Variants in MALRD1 observed in about 807,000 individuals in gnomAD.
MALRD1 encodes the protein MAM and LDL-receptor class A domain-containing protein 1.
A neutral mutation model predicts 242.1 loss-of-function variants in MALRD1; 247 were observed. The observed-to-expected ratio is 1.02, with a 90% CI of 0.92 to 1.13. The LOEUF (loss-of-function observed/expected upper bound fraction) is 1.13, where lower values mean the gene tolerates loss of function less well. Among genes scored for constraint, MALRD1 ranks in the 50% most tolerant of loss-of-function variants. The pLI, the probability that MALRD1 is intolerant of heterozygous loss-of-function variation, is 0.00. For synonymous variants in MALRD1, 995 were observed against 866.6 expected (o/e 1.15, Z -2.60); for missense variants, 2,989 against 2,533.1 (o/e 1.18, Z -3.86).
rs534607970 is a variant in MALRD1 at position 19,371,469 on chromosome 10, GT to G, written c.4442-16052del. Among the ~76,000 whole-genome samples the G allele has an allele frequency of 7.0e-3, 672 of 95,976 alleles. 3 individuals carry two copies. Among genetic ancestry groups the G allele is most frequent in the African/African-American group, 0.028 (639 of 22,694 alleles). 63.0% of individuals were successfully genotyped at this position (95,976 alleles called of 152,430 possible). ...CTTTTGAATCTATACAGAAAATTAT[GT>G]TTTTTTGTTTTGTTTTGTTTTGTTT... On this transcript the variant is annotated intron_variant, in intron 26 of 39. Transcript: ENST00000454679.
intron 33 of MALRD1, among the ~76,000 whole-genome samples, chr10:19,589,412 A>G (rs545506689): frequency 6.6e-6 from 1 of 152,324 alleles, no homozygotes; most frequent in East Asian, 1.9e-4. Context: ...GCCTTGAATC[A>G]TCTCCAATAT....
intron 26 of MALRD1, among the ~76,000 whole-genome samples, chr10:19,364,102 T>C (rs1005729283): frequency 6.6e-6 from 1 of 152,038 alleles, no homozygotes; most frequent in Non-Finnish European, 1.5e-5. Context: ...AAACCAGTTT[T>C]TACATTAGAG....
intron 18 of MALRD1, among the ~76,000 whole-genome samples, chr10:19,225,996 A>T (rs998985882): frequency 6.6e-6 from 1 of 152,182 alleles, no homozygotes; most frequent in East Asian, 1.9e-4. Context: ...TACTGATGAC[A>T]GAAGTAGATG....
chr10:19,476,125 G>C (rs1836717894), intron 29 of MALRD1, among the ~76,000 whole-genome samples: 1 of 152,114 alleles, frequency 6.6e-6, no homozygotes, highest in Admixed American at 6.6e-5. Context: ...TCGGAAAAGT[G>C]AAGAAACAAT....
At position 19,175,254 on chromosome 10, in the gene MALRD1, T is replaced by A; in HGVS notation, c.1877T>A (p.Leu626Gln). 1 of 1,230,548 alleles carries A rather than the reference T, an allele frequency of 8.1e-7. No homozygotes were observed. Among genetic ancestry groups the A allele is most frequent in the Non-Finnish European group, 1.0e-6 (1 of 987,186 alleles). The allele number at this position is 1,230,548 out of a possible 1,614,324, so 76.2% of individuals were successfully genotyped here. ...TVLSSNATVA[L>Q]DDISVSQECE... ...TTGTCGTCAAATGCTACCGTTGCTC[T>A]AGATGACATCAGTGTGTCCCAGGAA... Residue 626 changes from leucine to glutamine, a missense_variant, in exon 14 of 40, where the codon CTA (leucine) becomes CAA (glutamine). Transcript: ENST00000454679.
At chr10:19,446,456 A>G (rs187414635) in intron 28 of MALRD1, among the ~76,000 whole-genome samples, 43 of 152,360 alleles carry the variant, frequency 2.8e-4, no homozygotes, top group Non-Finnish European at 4.3e-4. Flanking sequence ...AAAAATGGCT[A>G]GTTATTTGGG....
intron 29 of MALRD1, among the ~76,000 whole-genome samples, chr10:19,469,752 A>T (rs530732760): frequency 1.3e-5 from 2 of 152,082 alleles, no homozygotes; most frequent in Non-Finnish European, 2.9e-5. Flanking sequence ...AGTGTTGCAT[A>T]ATCAAAAATT....
intron 28 of MALRD1, among the ~76,000 whole-genome samples, chr10:19,438,256 A>C (rs1332938): frequency 0.19 from 29,378 of 152,042 alleles, 3,249 homozygotes; most frequent in Middle Eastern, 0.33. Flanking sequence ...GCACAATAGA[A>C]ATATAAATAT....
At chr10:19,344,049 G>A (rs896619195) in intron 24 of MALRD1, among the ~76,000 whole-genome samples, 2 of 151,966 alleles carry the variant, frequency 1.3e-5, no homozygotes, top group Non-Finnish European at 2.9e-5. Flanking sequence ...TACACATTAT[G>A]GGTATAAGTC....
At chr10:19,690,067 A>G (rs1842754950) in intron 36 of MALRD1, among the ~76,000 whole-genome samples, 1 of 152,090 alleles carries the variant, frequency 6.6e-6, no homozygotes, top group Non-Finnish European at 1.5e-5. Flanking sequence ...GAAAAACTGA[A>G]GTGGAAATTT....
chr10:19,727,330 T>C (rs1043176375), intron 38 of MALRD1, among the ~76,000 whole-genome samples: 2 of 152,160 alleles, frequency 1.3e-5, no homozygotes, highest in Non-Finnish European at 2.9e-5. Context: ...TTTCAGACTA[T>C]TATAAACACT....
chr10:19,171,950 T>C (rs1834998623), intron 13 of MALRD1, among the ~76,000 whole-genome samples: 1 of 121,976 alleles, frequency 8.2e-6, no homozygotes, highest in African/African-American at 2.9e-5. Context: ...TCATATAATA[T>C]ATGTATATAT....
chr10:19,465,332 T>C (rs1445760037), intron 29 of MALRD1, among the ~76,000 whole-genome samples: 1 of 152,192 alleles, frequency 6.6e-6, no homozygotes, highest in Non-Finnish European at 1.5e-5. Context: ...TTCAGTATTC[T>C]GTTGGTTGTC....
intron 19 of MALRD1, among the ~76,000 whole-genome samples, chr10:19,272,076 C>G (rs1450412341): frequency 1.3e-5 from 2 of 151,990 alleles, no homozygotes; most frequent in Non-Finnish European, 2.9e-5. Flanking sequence ...TAGATCAAAA[C>G]TGGCTATTTA....
chr10:19,130,652 GTATT>G (rs919057599), intron 8 of MALRD1, among the ~76,000 whole-genome samples: 1 of 151,398 alleles, frequency 6.6e-6, no homozygotes, highest in Non-Finnish European at 1.5e-5. Flanking sequence ...ATGGAATTGT[GTATT>G]TAATTATGAA....
chr10:19,123,811 A>C (rs1837153262), intron 6 of MALRD1, among the ~76,000 whole-genome samples: 1 of 152,182 alleles, frequency 6.6e-6, no homozygotes. Context: ...AATGATATGC[A>C]ATGTTTCTTC....
rs1383815320 is a variant in MALRD1 at position 19,197,743 on chromosome 10, T to G, written c.1952-5985T>G. ...CTCTAACATTTTCAATATTCTTCCTTATTTTATTTTTTATTAGCCCTTTTA... is the reference window on the plus strand; with the variant it reads ...CTCTAACATTTTCAATATTCTTCCTGATTTTATTTTTTATTAGCCCTTTTA... On this transcript the variant is annotated intron_variant, in intron 14 of 39. Coordinates refer to ENST00000454679, the MANE Select transcript of MALRD1 (RefSeq NM_001142308.3). 2.0e-5 allele frequency among the ~76,000 whole-genome samples: 3 copies of G among 152,192 alleles called. No homozygotes were observed. The East Asian group carries it at 5.8e-4, about 29-fold the overall frequency.
At chr10:19,622,885 G>A (rs1040646664) in intron 36 of MALRD1, among the ~76,000 whole-genome samples, 1 of 151,952 alleles carries the variant, frequency 6.6e-6, no homozygotes, top group Non-Finnish European at 1.5e-5. Context: ...AATGATAAAA[G>A]ATGGCATCTC....
At chr10:19,650,933 C>T (rs552996588) in intron 36 of MALRD1, among the ~76,000 whole-genome samples, 8 of 152,236 alleles carry the variant, frequency 5.3e-5, no homozygotes, top group Admixed American at 5.2e-4. Flanking sequence ...GGAGAGTGTA[C>T]TGCAAATTAG....
Sources: gnomAD v4.1 joint callset for allele counts (sites outside exome capture counted in the v4.1 genomes callset) on GRCh38, gnomAD v4.1.1 for gene constraint, MANE v1.5 for transcripts, NCBI Gene and HGNC (gene_info 2026-07-23, HGNC 2026-07-21) for gene names.